REPS1: variants seen among roughly 807,000 people sequenced by gnomAD.
REPS1 encodes the protein ralBP1-associated Eps domain-containing protein 1.
Under a neutral mutation model 100.9 loss-of-function variants are expected in REPS1, and 39 were observed. The observed-to-expected ratio is 0.39, with a 90% CI of 0.30 to 0.50. REPS1 has a LOEUF of 0.50. REPS1 is among the 20% of genes least tolerant of loss of function. REPS1 has a pLI of 0.86. For missense variants in REPS1, 821 were observed against 968.5 expected, an observed-to-expected ratio of 0.85 and a Z score of 2.02; for synonymous variants, 324 against 340.3, an observed-to-expected ratio of 0.95 and a Z score of 0.53.
At chr6:138,966,290 C>T (rs531805688) in intron 1 of REPS1, among the ~76,000 whole-genome samples, 1 of 152,164 alleles carries the variant, frequency 6.6e-6, no homozygotes, top group Non-Finnish European at 1.5e-5. Flanking sequence ...ACTGGTCAAG[C>T]AGGAGCAAAT....
chr6:138,943,393 G>T, intron 7 of REPS1, 120 bp downstream of exon 7: 1 of 573,530 alleles, frequency 1.7e-6, no homozygotes, highest in Admixed American at 3.0e-5. Context: ...AGGCAATACT[G>T]AGTTCTTTGA....
In REPS1 at chr6:138,970,918, T is replaced by C. The variant is rs529356723; in HGVS notation, c.153+16612A>G. On this transcript the variant is annotated intron_variant, in intron 1 of 19. Transcript: ENST00000450536. Reference sequence around the variant, plus strand: ...GGAAGAAGAAAAATAGGAAGGCAGCTAGATGGGTGTGCAAGGTCAAATGAG... The same window carrying C: ...GGAAGAAGAAAAATAGGAAGGCAGCCAGATGGGTGTGCAAGGTCAAATGAG... Among the ~76,000 whole-genome samples, 3 of 152,278 alleles carry C rather than the reference T, an allele frequency of 2.0e-5. No individual in the cohort carries two copies. The East Asian group carries it at 5.8e-4, about 29-fold the overall frequency.
chr6:138,960,813 T>A lies in REPS1; in HGVS notation c.154-12900A>T, dbSNP rs377144518. On this transcript the variant is annotated intron_variant, in intron 1 of 19. Coordinates refer to ENST00000450536, the MANE Select transcript of REPS1 (RefSeq NM_001286611.2). ...AAGAAACTTTTCTAAATGTGACGTA[T>A]TTTGCTTGTAAAATATTTTACAAAT... Among the ~76,000 whole-genome samples the A allele has an allele frequency of 5.9e-5, 9 of 152,342 alleles. No individual in the cohort carries two copies. In the South Asian group the frequency reaches 1.7e-3, roughly 28 times the overall value.
chr6:138,979,346 C>T (rs1238990084), intron 1 of REPS1, among the ~76,000 whole-genome samples: 3 of 152,096 alleles, frequency 2.0e-5, no homozygotes, highest in Admixed American at 6.6e-5. Context: ...ATTTCTCACA[C>T]TCAAAAAGAA....
At chr6:138,971,982 A>G (rs926929110) in intron 1 of REPS1, among the ~76,000 whole-genome samples, 1 of 152,246 alleles carries the variant, frequency 6.6e-6, no homozygotes, top group African/African-American at 2.4e-5. Context: ...CTGCACATCA[A>G]GAAAGAAAAG....
chr6:138,944,114 T>C, intron 5 of REPS1, 99 bp from the exon 6 acceptor site: 6 of 1,092,566 alleles, frequency 5.5e-6, no homozygotes, highest in Non-Finnish European at 4.0e-6. Context: ...AACTTGCTTT[T>C]TGTGTATATT....
At chr6:138,929,849 T>C in intron 9 of REPS1, 128 bp downstream of exon 9, 1 of 851,020 alleles carries the variant, frequency 1.2e-6, no homozygotes, top group South Asian at 2.0e-5. Context: ...ACATTTATCA[T>C]AGTATATCTG....
Position 138,943,870 on chromosome 6 carries a change from A to C in REPS1, c.899T>G (p.Leu300Arg). 3 of 1,613,380 alleles carry C rather than the reference A, an allele frequency of 1.9e-6. No homozygotes were observed. In the South Asian group the frequency reaches 3.3e-5, roughly 18 times the overall value. Residue 300 changes from leucine to arginine, a missense_variant, in exon 6 of 20, where the codon CTA (leucine) becomes CGA (arginine). By Grantham distance (102) the Leu-to-Arg change is moderately radical. Coordinates refer to ENST00000450536, the MANE Select transcript of REPS1 (RefSeq NM_001286611.2). ...CAACTCACCTGGAATAAATCCGTTTAGATCAGGCTGAATGGTTTTAAACTG... is the reference window on the plus strand; with the variant it reads ...CAACTCACCTGGAATAAATCCGTTTCGATCAGGCTGAATGGTTTTAAACTG... Reference protein sequence around the residue: ...VNQFKTIQPDLNGFIPGSAAK... With the variant: ...VNQFKTIQPDRNGFIPGSAAK...
At chr6:138,911,682 G>A (rs547157045) in intron 16 of REPS1, among the ~76,000 whole-genome samples, 2 of 150,326 alleles carry the variant, frequency 1.3e-5, no homozygotes, top group Non-Finnish European at 2.9e-5. Flanking sequence ...AGGATGGGGC[G>A]AGGATGCAGG....
chr6:138,984,485 T>C (rs1217224273), intron 1 of REPS1, among the ~76,000 whole-genome samples: 4 of 152,140 alleles, frequency 2.6e-5, no homozygotes. Context: ...GTGGAGGCTG[T>C]CCTGTGCACT....
intron 8 of REPS1, among the ~76,000 whole-genome samples, chr6:138,934,837 C>CA (rs1781704288): frequency 6.6e-6 from 1 of 151,946 alleles, no homozygotes; most frequent in South Asian, 2.1e-4. Flanking sequence ...TTTATCAAGG[C>CA]AAAAATAACT....
At position 138,908,517 on chromosome 6, in the gene REPS1, A is replaced by T. The variant is rs1459037040; in HGVS notation, c.2216+151T>A. 3 of 782,248 alleles carry T rather than the reference A, an allele frequency of 3.8e-6. No individual in the cohort carries two copies. The Admixed American group carries it at 7.7e-5, about 20-fold the overall frequency. 48.5% of individuals were successfully genotyped at this position (782,248 alleles called of 1,614,324 possible). ...TCACCATGTTGGTCAGGCTGGTCTA[A>T]CTCCTGACCACAAATGATCTGCCCA... On this transcript the variant is annotated intron_variant, in intron 18 of 19. Coordinates refer to ENST00000450536, the MANE Select transcript of REPS1 (RefSeq NM_001286611.2).
At chr6:138,924,334 C>T (rs1201328324) in intron 10 of REPS1, among the ~76,000 whole-genome samples, 4 of 152,130 alleles carry the variant, frequency 2.6e-5, no homozygotes, top group Admixed American at 2.6e-4. Context: ...TCCTGACACA[C>T]TAGAGATAAC....
At chr6:138,984,449 A>G (rs1785141452) in intron 1 of REPS1, among the ~76,000 whole-genome samples, 2 of 152,116 alleles carry the variant, frequency 1.3e-5, no homozygotes, top group Non-Finnish European at 2.9e-5. Context: ...TCTCAGCACT[A>G]TTGACATCTT....
At chr6:138,974,065 G>A (rs1409072448) in intron 1 of REPS1, among the ~76,000 whole-genome samples, 1 of 151,978 alleles carries the variant, frequency 6.6e-6, no homozygotes, top group Admixed American at 6.6e-5. Flanking sequence ...CAGTGCCCTA[G>A]GTACATACCC....
At chr6:138,945,168 A>G (rs1297738735) in intron 4 of REPS1, 51 bp downstream of exon 4, 2 of 1,495,224 alleles carry the variant, frequency 1.3e-6, no homozygotes, top group South Asian at 1.3e-5. Flanking sequence ...CAGGAGTGCA[A>G]GACCAGCCTG....
At chr6:138,986,849 G>C (rs1785287519) in intron 1 of REPS1, among the ~76,000 whole-genome samples, 1 of 152,094 alleles carries the variant, frequency 6.6e-6, no homozygotes, top group African/African-American at 2.4e-5. Context: ...GGCAAATAAC[G>C]CACTTCTGCC....
chr6:138,984,160 ACCTCCT>A (rs957364208), intron 1 of REPS1, among the ~76,000 whole-genome samples: 1 of 148,670 alleles, frequency 6.7e-6, no homozygotes, highest in East Asian at 2.0e-4. Flanking sequence ...GCTCACTGCA[ACCTCCT>A]CCTCCTCCCA....
chr6:138,942,875 C>T (rs1023529443), intron 7 of REPS1, among the ~76,000 whole-genome samples: 8 of 152,230 alleles, frequency 5.3e-5, no homozygotes, highest in Non-Finnish European at 1.2e-4. Flanking sequence ...GTGCCTCAGC[C>T]TCCCCAGTAG....
Sources: gnomAD v4.1 joint callset for allele counts (sites outside exome capture counted in the v4.1 genomes callset) on GRCh38, gnomAD v4.1.1 for gene constraint, MANE v1.5 for transcripts, NCBI Gene and HGNC (gene_info 2026-07-23, HGNC 2026-07-21) for gene names.